NFATC1: variants seen among roughly 807,000 people sequenced by gnomAD.
The protein encoded by NFATC1 is nuclear factor of activated T cells 1.
In NFATC1, 22 loss-of-function variants were observed where a neutral mutation model predicts 76.0. The observed-to-expected ratio is 0.29, with a 90% CI of 0.21 to 0.41. NFATC1 has a LOEUF of 0.41. Among genes scored for constraint, NFATC1 ranks in the 10% least tolerant of loss-of-function variants. The probability of loss-of-function intolerance (pLI) is 1.00; values close to 1 mark genes in which losing one functional copy is unlikely to be tolerated. For missense variants in NFATC1, 1,357 were observed against 1,337.7 expected (o/e 1.01, Z -0.23); for synonymous variants, 704 against 613.1 (o/e 1.15, Z -2.19).
At chr18:79,427,645 A>AT (rs2086416219) in intron 2 of NFATC1, among the ~76,000 whole-genome samples, 1 of 46,982 alleles carries the variant, frequency 2.1e-5, no homozygotes, top group Admixed American at 3.2e-4. Context: ...TGTGCGGTGG[A>AT]GGCTGGACGG....
chr18:79,502,840 G>A (rs2090042585), intron 9 of NFATC1, among the ~76,000 whole-genome samples: 1 of 152,226 alleles, frequency 6.6e-6, no homozygotes, highest in African/African-American at 2.4e-5. Context: ...TTAGAGACGA[G>A]GAGAAATTGG....
chr18:79,483,810 A>C (rs1299279881), intron 8 of NFATC1, among the ~76,000 whole-genome samples: 1 of 117,666 alleles, frequency 8.5e-6, no homozygotes, highest in African/African-American at 3.4e-5. Context: ...GTGTCACTCC[A>C]GCGTGACCTG....
intron 9 of NFATC1, among the ~76,000 whole-genome samples, chr18:79,487,920 C>A (rs1353829040): frequency 6.6e-6 from 1 of 152,202 alleles, no homozygotes; most frequent in Non-Finnish European, 1.5e-5. Flanking sequence ...GCTTCATTTC[C>A]TCGGAGGCAC....
At chr18:79,461,250 G>A in intron 6 of NFATC1, 61 bp from the exon 7 acceptor site, 6 of 1,593,738 alleles carry the variant, frequency 3.8e-6, no homozygotes, top group Middle Eastern at 1.7e-4. Context: ...ACGTGGGGGT[G>A]TCTGGGGAGG....
chr18:79,441,627 G>A (rs1391383219), intron 3 of NFATC1, among the ~76,000 whole-genome samples: 2 of 152,106 alleles, frequency 1.3e-5, no homozygotes, highest in African/African-American at 2.4e-5. Context: ...AGTGCTGAGC[G>A]GAAACCACCT....
At chr18:79,419,108 C>T (rs964000491) in intron 2 of NFATC1, among the ~76,000 whole-genome samples, 16 of 152,124 alleles carry the variant, frequency 1.1e-4, no homozygotes, top group African/African-American at 3.9e-4. Flanking sequence ...ACTGCAGCCT[C>T]GACCTCCTGG....
At chr18:79,514,050 G>A (rs536901658) in intron 9 of NFATC1, among the ~76,000 whole-genome samples, 1 of 152,296 alleles carries the variant, frequency 6.6e-6, no homozygotes, top group East Asian at 1.9e-4. Context: ...GGAGTGGCAG[G>A]TTCCTCCAGG....
At chr18:79,491,374 C>T (rs911728766) in intron 9 of NFATC1, among the ~76,000 whole-genome samples, 16 of 152,178 alleles carry the variant, frequency 1.1e-4, no homozygotes, top group Non-Finnish European at 2.9e-5. Flanking sequence ...CGGTGCCGTG[C>T]GTGCCAAGTG....
Position 79,527,532 on chromosome 18 carries a change from T to C in NFATC1, c.2787T>C (p.Asn929=). The change falls in exon 10 of 10, where the codon AAT becomes AAC. Residue 929 remains asparagine, a synonymous_variant. Coordinates refer to ENST00000427363, the MANE Select transcript of NFATC1 (RefSeq NM_001278669.2). The part of the protein sequence containing the change: ...ELDQLYLDDV[N]EIIRNDLSST... ...TCAATTTTTCTTTTCTTACAGTAAA[T>C]GAAATAATACGAAATGACCTCTCCA... The C allele has an allele frequency of 1.2e-6, 2 of 1,613,668 alleles. No homozygotes were observed. The highest frequency in any genetic ancestry group is 1.7e-6 in the Non-Finnish European group (2 of 1,179,696).
intron 9 of NFATC1, among the ~76,000 whole-genome samples, chr18:79,522,415 G>C (rs1471960462): frequency 1.0e-5 from 1 of 96,568 alleles, no homozygotes; most frequent in Admixed American, 1.2e-4. Context: ...CTGGGTGGGG[G>C]GACGTCTGCT....
At chr18:79,442,687 C>G (rs190479000) in intron 3 of NFATC1, among the ~76,000 whole-genome samples, 1 of 152,312 alleles carries the variant, frequency 6.6e-6, no homozygotes, top group Admixed American at 6.5e-5. Flanking sequence ...GCGCCACGTG[C>G]TCACGCTGGG....
intron 2 of NFATC1, among the ~76,000 whole-genome samples, chr18:79,426,695 T>C (rs911678698): frequency 6.6e-6 from 1 of 152,268 alleles, no homozygotes; most frequent in African/African-American, 2.4e-5. Context: ...CTGCAGCCTC[T>C]CTGGGTGTTG....
chr18:79,500,519 A>G (rs1263566388), intron 9 of NFATC1, among the ~76,000 whole-genome samples: 2 of 152,178 alleles, frequency 1.3e-5, no homozygotes, highest in African/African-American at 4.8e-5. Context: ...GCAAGTGGAA[A>G]AAAGGAAATG....
At chr18:79,431,583 G>A (rs549586344) in intron 2 of NFATC1, among the ~76,000 whole-genome samples, 2 of 152,150 alleles carry the variant, frequency 1.3e-5, no homozygotes, top group South Asian at 2.1e-4. Context: ...TAGAGATGGG[G>A]TCTCTCCATG....
At chr18:79,512,415 AC>A (rs2090277504) in intron 9 of NFATC1, among the ~76,000 whole-genome samples, 1 of 151,778 alleles carries the variant, frequency 6.6e-6, no homozygotes, top group South Asian at 2.1e-4. Context: ...ACACCCACAC[AC>A]CCCGAACTTT....
At chr18:79,483,127 C>A (rs547431455) in intron 8 of NFATC1, among the ~76,000 whole-genome samples, 1 of 99,510 alleles carries the variant, frequency 1.0e-5, no homozygotes, top group East Asian at 2.9e-4. Flanking sequence ...GGGTGTAATT[C>A]CAGCGTGACC....
At position 79,410,955 on chromosome 18, in the gene NFATC1, C is replaced by T. The variant is rs1568925376; in HGVS notation, c.680C>T (p.Ala227Val). The T allele has an allele frequency of 1.2e-6, 2 of 1,602,702 alleles. No homozygotes were observed. The change falls in exon 2 of 10, where the codon GCC becomes GTC. Residue 227 changes from alanine (A) to valine (V), a missense_variant. By Grantham distance (64) the Ala-to-Val change is moderately conservative. Around this residue, in one of 3 missense-constraint regions of NFATC1, gnomAD observed 691 missense variants for 613.1 expected, o/e 1.13. Coordinates refer to ENST00000427363, the MANE Select transcript of NFATC1 (RefSeq NM_001278669.2). This position sits in a 1 kb window ranked among gnomAD's most constrained non-coding sequence, Gnocchi z 6.7. ...PEEGFPRGLG[A>V]CTLLGSPRHS... The stretch of plus-strand genomic sequence containing the variant: ...GAGGGCTTTCCCCGCGGGCTGGGGG[C>T]CTGCACACTGCTGGGTTCCCCGCGG...
At chr18:79,476,568 G>C (rs1163397799) in intron 8 of NFATC1, among the ~76,000 whole-genome samples, 2 of 152,194 alleles carry the variant, frequency 1.3e-5, no homozygotes, top group Non-Finnish European at 2.9e-5. Flanking sequence ...GCTGCCACCT[G>C]AGACCCCCAT....
intron 2 of NFATC1, among the ~76,000 whole-genome samples, chr18:79,427,407 T>C (rs61544066): frequency 0.4 from 28,480 of 70,440 alleles, 4,403 homozygotes; most frequent in African/African-American, 0.51. Context: ...GGGAGCTGGA[T>C]GGCTGGCCTC....
Sources: gnomAD v4.1 joint callset for allele counts (sites outside exome capture counted in the v4.1 genomes callset) on GRCh38, gnomAD v4.1.1 for gene constraint, gnomAD v4.1.1 regional missense constraint, Gnocchi (gnomAD v3.1) non-coding constraint, MANE v1.5 for transcripts, NCBI Gene and HGNC (gene_info 2026-07-23, HGNC 2026-07-21) for gene names.